AUTS2: variants seen among roughly 807,000 people sequenced by gnomAD.
AUTS2 encodes the protein autism susceptibility gene 2 protein.
AUTS2 carries 17 observed loss-of-function variants against 112.4 expected under a neutral mutation model. The observed-to-expected ratio is 0.15, with a 90% CI of 0.10 to 0.23. The LOEUF is 0.23. Ranked by LOEUF, AUTS2 falls within the 10% of genes least tolerant of loss-of-function variation. AUTS2 has a pLI of 1.00. For missense variants in AUTS2, 1,510 were observed against 1,701.6 expected (o/e 0.89, Z 1.98); for synonymous variants, 751 against 702.7 (o/e 1.07, Z -1.09).
chr7:70,498,162 G>A (rs1229928040), intron 5 of AUTS2, among the ~76,000 whole-genome samples: 2 of 152,180 alleles, frequency 1.3e-5, no homozygotes, highest in Admixed American at 6.5e-5. Context: ...GATGTCTGGG[G>A]AAGAGAAGTC....
At chr7:70,206,689 A>G (rs1280357931) in intron 4 of AUTS2, among the ~76,000 whole-genome samples, 2 of 152,200 alleles carry the variant, frequency 1.3e-5, no homozygotes, top group Non-Finnish European at 2.9e-5. Flanking sequence ...CTGGGCCTAC[A>G]CTGTTCCTTG....
chr7:70,636,692 G>C (rs973251219), intron 5 of AUTS2, among the ~76,000 whole-genome samples: 3 of 150,714 alleles, frequency 2.0e-5, no homozygotes, highest in African/African-American at 7.3e-5. Context: ...TGTCTCCCAG[G>C]CTGGAGTGCA....
Position 70,764,242 on chromosome 7 carries a change from G to A in AUTS2, c.1215-510G>A, listed in dbSNP as rs555739551. 3.5e-4 allele frequency among the ~76,000 whole-genome samples: 53 copies of A among 152,288 alleles called. No homozygotes were observed. The South Asian group carries it at 5.0e-3, about 14-fold the overall frequency. ...GGGCCCGGCTTCTGCCCCCTCGGCC[G>A]TTTCTGTGGCCTCCAGACCATAAAG... On this transcript the variant is annotated intron_variant, in intron 7 of 18. Coordinates refer to ENST00000342771, the MANE Select transcript of AUTS2 (RefSeq NM_015570.4).
chr7:70,035,832 G>A (rs112428790), intron 2 of AUTS2, among the ~76,000 whole-genome samples: 229 of 152,110 alleles, frequency 1.5e-3, no homozygotes, highest in African/African-American at 5.2e-3. Context: ...CTCCTTCAAT[G>A]CTCCTTCTAT....
chr7:70,375,425 T>C (rs1243547287), intron 4 of AUTS2, among the ~76,000 whole-genome samples: 2 of 152,210 alleles, frequency 1.3e-5, no homozygotes, highest in African/African-American at 2.4e-5. Flanking sequence ...ATTCTTTGTA[T>C]TGGCTATTCA....
chr7:70,633,223 G>A (rs1805361421), intron 5 of AUTS2, among the ~76,000 whole-genome samples: 1 of 152,204 alleles, frequency 6.6e-6, no homozygotes, highest in South Asian at 2.1e-4. Flanking sequence ...CTTCACTCTG[G>A]CTCTGGGAAG....
intron 4 of AUTS2, among the ~76,000 whole-genome samples, chr7:70,429,204 A>G (rs894517124): frequency 2.6e-5 from 4 of 152,242 alleles, no homozygotes; most frequent in African/African-American, 9.6e-5. Context: ...AGTTTGAACA[A>G]TACTCAAGAA....
At chr7:70,236,145 G>A (rs541576289) in intron 4 of AUTS2, among the ~76,000 whole-genome samples, 34 of 152,318 alleles carry the variant, frequency 2.2e-4, no homozygotes, top group African/African-American at 7.0e-4. Context: ...CCAGAGTGGT[G>A]TGTGGTACAT....
At chr7:70,044,510 G>A (rs973131055) in intron 2 of AUTS2, among the ~76,000 whole-genome samples, 1 of 152,130 alleles carries the variant, frequency 6.6e-6, no homozygotes, top group Non-Finnish European at 1.5e-5. Context: ...AATCCAGCGT[G>A]TGTTAGATTC....
intron 4 of AUTS2, among the ~76,000 whole-genome samples, chr7:70,430,828 CTTTTTTTTTTTT>C (rs745358887): frequency 7.4e-5 from 7 of 94,502 alleles, no homozygotes; most frequent in African/African-American, 2.6e-4. Flanking sequence ...GCAGTGTCGC[CTTTTTTTTTTTT>C]TTTTTTTTTT....
intron 4 of AUTS2, among the ~76,000 whole-genome samples, chr7:70,371,883 A>G (rs529077237): frequency 6.6e-6 from 1 of 152,326 alleles, no homozygotes; most frequent in East Asian, 1.9e-4. Flanking sequence ...GACAGCAAAT[A>G]GATCAATCAG....
At position 70,684,562 on chromosome 7, in the gene AUTS2, G is replaced by A. The variant is rs185390173; in HGVS notation, c.691-14007G>A. Among the ~76,000 whole-genome samples the A allele has an allele frequency of 1.7e-4, 25 of 151,170 alleles. No individual in the cohort carries two copies. In the East Asian group the frequency reaches 4.3e-3, roughly 26 times the overall value. On this transcript the variant is annotated intron_variant, in intron 5 of 18. Coordinates refer to ENST00000342771, the MANE Select transcript of AUTS2 (RefSeq NM_015570.4). ...GGTGTGGTGTGGCGTGGCGTGGCGT[G>A]TTGTGGCGTGGTATGGTGTGGCGTG...
Position 69,616,135 on chromosome 7 carries a change from T to G in AUTS2, c.309+16173T>G, listed in dbSNP as rs73165760. ...CAGCCAGTTGGCTTCTCAGGAGTGT[T>G]TTTTTCAACTATTCATGTCCTGTGC... On this transcript the variant is annotated intron_variant, in intron 1 of 18. Transcript: ENST00000342771. Among the ~76,000 whole-genome samples the G allele has an allele frequency of 5.6e-3, 846 of 152,310 alleles. 10 individuals are homozygous for G. Among genetic ancestry groups the G allele is most frequent in the Non-Finnish European group, 6.2e-3 (423 of 68,020 alleles).
chr7:70,391,423 A>G (rs1793851696), intron 4 of AUTS2, among the ~76,000 whole-genome samples: 1 of 152,188 alleles, frequency 6.6e-6, no homozygotes, highest in Non-Finnish European at 1.5e-5. Flanking sequence ...TGAATATGCA[A>G]ATAAAATACA....
chr7:69,632,680 A>G (rs1009779045), intron 1 of AUTS2, among the ~76,000 whole-genome samples: 1 of 145,694 alleles, frequency 6.9e-6, no homozygotes, highest in Admixed American at 7.1e-5. Context: ...CTTTCTGTTC[A>G]TATATAGGTA....
chr7:70,767,118 CT>C (rs1421151375), intron 9 of AUTS2, among the ~76,000 whole-genome samples: 2 of 152,022 alleles, frequency 1.3e-5, no homozygotes, highest in African/African-American at 2.4e-5. Flanking sequence ...TCATTTTTTA[CT>C]TATTTAATTT....
At chr7:70,287,793 T>C (rs1397572711) in intron 4 of AUTS2, among the ~76,000 whole-genome samples, 1 of 151,412 alleles carries the variant, frequency 6.6e-6, no homozygotes, top group Non-Finnish European at 1.5e-5. Flanking sequence ...CCACAAGAGA[T>C]GAGTTTCGTA....
At chr7:69,805,559 A>G (rs985775452) in intron 1 of AUTS2, among the ~76,000 whole-genome samples, 3 of 152,214 alleles carry the variant, frequency 2.0e-5, no homozygotes, top group Non-Finnish European at 1.5e-5. Flanking sequence ...ACAAGAAAAT[A>G]TGAAGGAAAA....
In AUTS2 at chr7:70,513,408, AGCCT is replaced by A. The variant is rs1221565608; in HGVS notation, c.690+77629_690+77632del. On this transcript the variant is annotated intron_variant, in intron 5 of 18. Transcript: ENST00000342771. ...GTTTTCCATAATTGAAGATAGCAAAAGCCTGTGTACGATCAAAGACCATTCCATT... is the reference window on the plus strand; with the variant it reads ...GTTTTCCATAATTGAAGATAGCAAAAGTGTACGATCAAAGACCATTCCATT... Among the ~76,000 whole-genome samples the A allele has an allele frequency of 8.5e-5, 13 of 152,314 alleles. No homozygotes were observed. In the South Asian group the frequency reaches 2.5e-3, roughly 29 times the overall value.
Sources: gnomAD v4.1 joint callset for allele counts (sites outside exome capture counted in the v4.1 genomes callset) on GRCh38, gnomAD v4.1.1 for gene constraint, MANE v1.5 for transcripts, NCBI Gene and HGNC (gene_info 2026-07-23, HGNC 2026-07-21) for gene names.